Variants in MFNG observed in about 807,000 individuals in gnomAD.
MFNG encodes beta-1,3-N-acetylglucosaminyltransferase manic fringe.
MFNG carries 24 observed loss-of-function variants against 34.2 expected under a neutral mutation model. That is an observed-to-expected ratio of 0.70 (90% CI 0.51 to 0.99). The LOEUF (loss-of-function observed/expected upper bound fraction) is 0.99, where lower values mean the gene tolerates loss of function less well. Ranked by LOEUF, MFNG falls within the 50% of genes least tolerant of loss-of-function variation. The pLI, the probability that MFNG is intolerant of heterozygous loss-of-function variation, is 0.00. For synonymous variants in MFNG, 158 were observed against 179.2 expected, an observed-to-expected ratio of 0.88 and a Z score of 0.94; for missense variants, 383 against 424.0, an observed-to-expected ratio of 0.90 and a Z score of 0.85.
At chr22:37,472,402 C>A in intron 7 of MFNG, 41 bp downstream of exon 7, 1 of 1,468,278 alleles carries the variant, frequency 6.8e-7, no homozygotes, top group Non-Finnish European at 9.2e-7. Context: ...CTGGACTCAG[C>A]CCCCACTCCT....
chr22:37,480,327 C>A (rs200008337), intron 2 of MFNG, 28 bp from the exon 3 acceptor site: 30 of 1,581,624 alleles, frequency 1.9e-5, no homozygotes, highest in Middle Eastern at 1.7e-4. Context: ...AGTCAGGGGA[C>A]CCTGCCCAGG....
chr22:37,473,403 T>C (rs950360807), intron 6 of MFNG, among the ~76,000 whole-genome samples: 3 of 151,600 alleles, frequency 2.0e-5, no homozygotes, highest in Admixed American at 2.0e-4. Flanking sequence ...TACTCCAACC[T>C]GGGCAACAGA....
intron 5 of MFNG, among the ~76,000 whole-genome samples, chr22:37,476,316 T>C (rs899016759): frequency 2.6e-5 from 4 of 151,116 alleles, no homozygotes; most frequent in African/African-American, 9.8e-5. Context: ...AGGAGTAATA[T>C]CATCTCCCTT....
In MFNG at chr22:37,476,929, C is replaced by A. The variant is rs199609888; in HGVS notation, c.614G>T (p.Arg205Leu). 6.2e-7 allele frequency: 1 copy of A among 1,611,022 alleles called. No individual in the cohort carries two copies. Among genetic ancestry groups the A allele is most frequent in the Non-Finnish European group, 8.5e-7 (1 of 1,178,766 alleles). The change falls in exon 5 of 8, where the codon CGC becomes CTC. Residue 205 changes from arginine (R) to leucine (L), a missense_variant. Transcript: ENST00000356998. ...CGGAGCCATCTTCAAAGCCAGTTTGCGATTGATGCAGAAGCCAGCACCCCC... is the reference window on the plus strand; with the variant it reads ...CGGAGCCATCTTCAAAGCCAGTTTGAGATTGATGCAGAAGCCAGCACCCCC... ...ATGGAGFCINRKLALKMAPWA... is the reference protein window; with the variant it reads ...ATGGAGFCINLKLALKMAPWA...
chr22:37,482,816 G>A lies in MFNG; in HGVS notation c.256-2047C>T, dbSNP rs1569158615. 6.6e-6 allele frequency among the ~76,000 whole-genome samples: 1 copy of A among 152,098 alleles called. No individual in the cohort carries two copies. The highest frequency in any genetic ancestry group is 6.5e-5 in the Admixed American group (1 of 15,270). The stretch of plus-strand genomic sequence containing the variant: ...CCACCCTCTGAGCCTCTCTCCCTGG[G>A]GTCTGTCTCCCACCGTCAGATTTAG... On this transcript the variant is annotated intron_variant, in intron 1 of 7. Transcript: ENST00000356998. The surrounding 1 kb of genome is among the most constrained non-coding windows in gnomAD (Gnocchi z 4.1).
At chr22:37,474,425 T>C in intron 6 of MFNG, 87 bp downstream of exon 6, 1 of 1,483,982 alleles carries the variant, frequency 6.7e-7, no homozygotes, top group African/African-American at 1.4e-5. Context: ...CCAGGTTTCT[T>C]TCAAACGCCA....
intron 3 of MFNG, 64 bp from the exon 4 acceptor site, chr22:37,479,562 C>T: frequency 1.3e-6 from 2 of 1,590,740 alleles, no homozygotes; most frequent in Non-Finnish European, 1.7e-6. Flanking sequence ...TCCCCAAGCA[C>T]CCCCACAGTC....
chr22:37,486,077 C>T lies in MFNG; in HGVS notation c.101G>A (p.Arg34Gln), dbSNP rs370413760. 121 of 1,613,524 alleles carry T rather than the reference C, an allele frequency of 7.5e-5. No individual in the cohort carries two copies. Among genetic ancestry groups the T allele is most frequent in the Non-Finnish European group, 9.8e-5 (116 of 1,179,878 alleles). The change falls in exon 1 of 8, where the codon CGG becomes CAG. Residue 34 changes from arginine (R) to glutamine (Q), a missense_variant. Coordinates refer to ENST00000356998, the MANE Select transcript of MFNG (RefSeq NM_002405.4). ...LRYHLNLSPQ[R>Q]VQGTPELSQP... ...GCTCAGCTCGGGGGTCCCTTGTACC[C>T]GCTGCGGGGACAGGTTCAAGTGGTA...
In MFNG at chr22:37,485,923, C is replaced by T. The variant is rs201944390; in HGVS notation, c.255G>A (p.Gln85=). The T allele has an allele frequency of 2.6e-4, 412 of 1,612,016 alleles. 1 individual carries two copies. The highest frequency in any genetic ancestry group is 3.4e-4 in the Non-Finnish European group (397 of 1,178,822). The change falls in exon 1 of 8, where the codon CAG becomes CAA. Residue 85 remains glutamine, a splice_region_variant and synonymous_variant. Transcript: ENST00000356998. This position sits in a 1 kb window ranked among gnomAD's most constrained non-coding sequence, Gnocchi z 5.3. Reference sequence around the variant, plus strand: ...GGGCCCAATGTCACCCACTTGTCACCTGTTCCCTGGTCCTGGAAACCCACG... The same window carrying T: ...GGGCCCAATGTCACCCACTTGTCACTTGTTCCCTGGTCCTGGAAACCCACG... ...LDTWVSRTRE[Q]TFVFTDSPDK... is the part of the protein sequence containing the mutation.
Position 37,469,603 on chromosome 22 carries a change from C to T in MFNG, c.*360G>A, listed in dbSNP as rs1921713790. 1 of 376,586 alleles carries T rather than the reference C, an allele frequency of 2.7e-6. No individual in the cohort carries two copies. Among genetic ancestry groups the T allele is most frequent in the African/African-American group, 2.1e-5 (1 of 47,724 alleles). The allele number at this position is 376,586 out of a possible 1,614,324, so 23.3% of individuals were successfully genotyped here. On this transcript the variant is annotated 3_prime_UTR_variant, in exon 8 of 8. Transcript: ENST00000356998. ...ATGACTGAGAGACATTAGCCAGGGCCAACGGCCAGACCCCACCCAGAGGCC... is the reference window on the plus strand; with the variant it reads ...ATGACTGAGAGACATTAGCCAGGGCTAACGGCCAGACCCCACCCAGAGGCC...
chr22:37,486,253 G>A lies in MFNG; in HGVS notation c.-76C>T. The A allele has an allele frequency of 7.1e-7, 1 of 1,417,614 alleles. No homozygotes were observed. Among genetic ancestry groups the A allele is most frequent in the Middle Eastern group, 2.0e-4 (1 of 4,936 alleles). The allele number at this position is 1,417,614 out of a possible 1,614,324, so 87.8% of individuals were successfully genotyped here. On this transcript the variant is annotated 5_prime_UTR_variant, in exon 1 of 8. Transcript: ENST00000356998. ...AGGGAGGGGAAGCTGGTCAGGCAGGGGCTCCAGCAGAGGCAAAAGTCTGGC... is the reference window on the plus strand; with the variant it reads ...AGGGAGGGGAAGCTGGTCAGGCAGGAGCTCCAGCAGAGGCAAAAGTCTGGC...
At chr22:37,473,437 A>C (rs1417572522) in intron 6 of MFNG, among the ~76,000 whole-genome samples, 1 of 152,078 alleles carries the variant, frequency 6.6e-6, no homozygotes, top group Non-Finnish European at 1.5e-5. Context: ...TCAAAAAAAA[A>C]AAGAAGGGAA....
In MFNG at chr22:37,486,202, G is replaced by A; in HGVS notation, c.-25C>T. ...TTGGTTGGCCCTGGGACCCCAGACA[G>A]CTCAGCCCCCAAATCCCAACCAGAC... is the stretch of plus-strand genomic sequence containing the variant. On this transcript the variant is annotated 5_prime_UTR_variant, in exon 1 of 8. Transcript: ENST00000356998. The A allele has an allele frequency of 6.6e-7, 1 of 1,509,072 alleles. No individual in the cohort carries two copies. 93.5% of individuals were successfully genotyped at this position (1,509,072 alleles called of 1,614,324 possible). A position where few individuals can be genotyped will look rare whatever the true frequency, so the allele number is the denominator to read the frequency against.
intron 7 of MFNG, among the ~76,000 whole-genome samples, chr22:37,471,830 CAAAAAAAAA>C (rs913243094): frequency 1.4e-4 from 5 of 35,512 alleles, no homozygotes; most frequent in East Asian, 1.1e-3. Flanking sequence ...GGCTCCATCT[CAAAAAAAAA>C]AAAAAAAAAA....
At chr22:37,471,710 A>G (rs1237645126) in intron 7 of MFNG, among the ~76,000 whole-genome samples, 1 of 151,998 alleles carries the variant, frequency 6.6e-6, no homozygotes, top group Non-Finnish European at 1.5e-5. Flanking sequence ...AGGCGCCTGT[A>G]ATCCCAGCTA....
rs546030759 is a variant in MFNG, at chr22:37,469,149, C to T, written c.*814G>A. 1.3e-5 allele frequency: 2 copies of T among 153,102 alleles called. No homozygotes were observed. The highest frequency in any genetic ancestry group is 4.1e-4 in the South Asian group (2 of 4,832). The allele number at this position is 153,102 out of a possible 1,614,324, so 9.5% of individuals were successfully genotyped here. A position where few individuals can be genotyped will look rare whatever the true frequency, so the allele number is the denominator to read the frequency against. The stretch of plus-strand genomic sequence containing the variant: ...TGGATGATTGTCTTGGCCTTTCCTT[C>T]ATGGTAGCAAGGTGGCTGCCCCAGA... On this transcript the variant is annotated 3_prime_UTR_variant, in exon 8 of 8. Transcript: ENST00000356998.
chr22:37,470,012 C>A lies in MFNG; in HGVS notation c.917G>T (p.Cys306Phe). The change falls in exon 8 of 8, where the codon TGT (cysteine) becomes TTT (phenylalanine). Residue 306 changes from cysteine to phenylalanine, a missense_variant. Physicochemically the swap from Cys to Phe is radical, Grantham distance 205 (BLOSUM62 -2). Transcript: ENST00000356998. ...CCAGGGTGTATCTGGATAGAGCAGA[C>A]AATGGAGGGAGCGAAATCTGCAGAG... The part of the protein sequence containing the change: ...EDPSRFRSLH[C>F]LLYPDTPWCP... 6.2e-7 allele frequency: 1 copy of A among 1,608,662 alleles called. No homozygotes were observed. The highest frequency in any genetic ancestry group is 8.5e-7 in the Non-Finnish European group (1 of 1,177,252).
At position 37,482,429 on chromosome 22, in the gene MFNG, TCACACACACACACG is replaced by T. The variant is rs1922334469; in HGVS notation, c.256-1674_256-1661del. ...GGGCTTCTCTCTCTGTCTCTCTCTC[TCACACACACACACG>T]CACACACACGCACGCATACACACAC... On this transcript the variant is annotated intron_variant, in intron 1 of 7. Transcript: ENST00000356998. The surrounding 1 kb of genome is among the most constrained non-coding windows in gnomAD (Gnocchi z 4.1). Among the ~76,000 whole-genome samples the T allele has an allele frequency of 6.6e-6, 1 of 151,240 alleles. No homozygotes were observed. Among genetic ancestry groups the T allele is most frequent in the Admixed American group, 6.6e-5 (1 of 15,198 alleles).
intron 1 of MFNG, among the ~76,000 whole-genome samples, chr22:37,481,570 T>C (rs1922292771): frequency 6.6e-6 from 1 of 152,202 alleles, no homozygotes; most frequent in South Asian, 2.1e-4. Context: ...CAAGCCAGGC[T>C]GGGGACAAAG....
Sources: allele counts gnomAD v4.1 joint callset (sites outside exome capture counted in the v4.1 genomes callset), GRCh38; gene constraint gnomAD v4.1.1; non-coding constraint Gnocchi (gnomAD v3.1); transcripts MANE v1.5; gene names NCBI Gene and HGNC (gene_info 2026-07-23, HGNC 2026-07-21).